TMPRSS9: variants seen among roughly 807,000 people sequenced by gnomAD.
The protein encoded by TMPRSS9 is transmembrane serine protease 9.
In TMPRSS9, 113 loss-of-function variants were observed where a neutral mutation model predicts 111.4. That is an observed-to-expected ratio of 1.01 (90% CI 0.87 to 1.19). The LOEUF is 1.19. TMPRSS9 is among the 50% of genes most tolerant of loss of function. The pLI, the probability that TMPRSS9 is intolerant of heterozygous loss-of-function variation, is 0.00. For missense variants in TMPRSS9, 1,803 were observed against 1,513.1 expected (o/e 1.19, Z -3.18); for synonymous variants, 805 against 659.1 (o/e 1.22, Z -3.39).
intron 15 of TMPRSS9, 37 bp downstream of exon 16, chr19:2,424,294 C>G (rs995848199): frequency 2.3e-6 from 3 of 1,319,142 alleles, no homozygotes; most frequent in Non-Finnish European, 1.9e-6. Flanking sequence ...CTACATGTCT[C>G]TGTAGCTCAC....
At chr19:2,393,230 C>T (rs544518765) in intron 1 of TMPRSS9, among the ~76,000 whole-genome samples, 11 of 152,200 alleles carry the variant, frequency 7.2e-5, no homozygotes, top group South Asian at 4.1e-4. Context: ...GCTGCTCACT[C>T]GTTGGGTGTG....
intron 1 of TMPRSS9, among the ~76,000 whole-genome samples, chr19:2,375,943 A>T (rs1302475790): frequency 6.6e-6 from 1 of 152,110 alleles, no homozygotes; most frequent in Non-Finnish European, 1.5e-5. Flanking sequence ...GGCAGCTCCC[A>T]TTTGCAGGGT....
intron 1 of TMPRSS9, among the ~76,000 whole-genome samples, chr19:2,367,550 A>C (rs1303801374): frequency 6.9e-6 from 1 of 144,724 alleles, no homozygotes; most frequent in Non-Finnish European, 1.5e-5. Flanking sequence ...GTGCACCACC[A>C]TGACTGGCTA....
intron 1 of TMPRSS9, among the ~76,000 whole-genome samples, chr19:2,372,105 C>T (rs1472986642): frequency 1.3e-5 from 2 of 152,090 alleles, no homozygotes; most frequent in Non-Finnish European, 2.9e-5. Flanking sequence ...GATCCGCCTG[C>T]CTTGACCTCC....
At chr19:2,395,191 G>A (rs749588124) in intron 1 of TMPRSS9, among the ~76,000 whole-genome samples, 8 of 152,214 alleles carry the variant, frequency 5.3e-5, no homozygotes, top group Non-Finnish European at 1.0e-4. Flanking sequence ...GCCAAGGCGG[G>A]TGGATCACCT....
chr19:2,372,342 C>T (rs148630634), intron 1 of TMPRSS9, among the ~76,000 whole-genome samples: 26 of 139,256 alleles, frequency 1.9e-4, no homozygotes, highest in Non-Finnish European at 3.1e-4. Flanking sequence ...TCAAACCCGG[C>T]CAGTAACACC....
chr19:2,425,193 T>G (rs746456640), exon 16 of TMPRSS9: 1 of 1,531,884 alleles, frequency 6.5e-7, no homozygotes, highest in Non-Finnish European at 8.7e-7. Context: ...CCCATCTGCC[T>G]GCCCGAGCCC....
upstream of TMPRSS9, among the ~76,000 whole-genome samples, chr19:2,389,560 G>T (rs1970542481): frequency 6.6e-6 from 1 of 151,744 alleles, no homozygotes; most frequent in Non-Finnish European, 1.5e-5. Context: ...TAGAGATGGG[G>T]TTTCTCCATG....
At chr19:2,415,550 C>T (rs893661451) in intron 10 of TMPRSS9, 120 bp from the exon 12 acceptor site, 18 of 954,692 alleles carry the variant, frequency 1.9e-5, no homozygotes, top group African/African-American at 6.8e-5. Flanking sequence ...TTGTGTGGAA[C>T]GGGAGGGATT....
chr19:2,394,482 G>A (rs1236334604), intron 1 of TMPRSS9, among the ~76,000 whole-genome samples: 3 of 152,166 alleles, frequency 2.0e-5, no homozygotes, highest in Admixed American at 1.3e-4. Context: ...GAGAGCGGGA[G>A]GCGTTCTGAA....
At chr19:2,395,930 C>T (rs921977039) in intron 1 of TMPRSS9, among the ~76,000 whole-genome samples, 1 of 152,174 alleles carries the variant, frequency 6.6e-6, no homozygotes, top group South Asian at 2.1e-4. Flanking sequence ...ATGGCATGAA[C>T]CCGGGAGGCG....
At chr19:2,377,467 CT>C (rs1970346367) in intron 1 of TMPRSS9, among the ~76,000 whole-genome samples, 1 of 78,484 alleles carries the variant, frequency 1.3e-5, no homozygotes, top group South Asian at 4.8e-4. Context: ...CCCCTCTCCC[CT>C]CTCCCCTCTC....
chr19:2,413,959 A>G, exon 10 of TMPRSS9: 2 of 1,611,758 alleles, frequency 1.2e-6, no homozygotes, highest in South Asian at 1.1e-5. Context: ...ACCCCCACCA[A>G]ATCGATGCAG....
At position 2,411,299 on chromosome 19, in the gene TMPRSS9, C is replaced by CAAAAAAAAAAAA. The variant is rs771305642; in HGVS notation, c.1254+928_1254+939dup. 1.2e-4 allele frequency among the ~76,000 whole-genome samples: 4 copies of CAAAAAAAAAAAA among 32,304 alleles called. 1 individual carries two copies. The highest frequency in any genetic ancestry group is 5.6e-4 in the Admixed American group (1 of 1,790). 21.2% of individuals were successfully genotyped at this position (32,304 alleles called of 152,430 possible). On this transcript the variant is annotated intron_variant, in intron 9 of 17. Coordinates refer to ENST00000648592, the Ensembl canonical transcript of TMPRSS9. The stretch of plus-strand genomic sequence containing the variant: ...TGGGCGACAAAGCAAGACTCTGTCT[C>CAAAAAAAAAAAA]AAAAAAAAAAAAAAAAAAAAAAAAA...
chr19:2,368,801 T>TTTTTA (rs1568465435), intron 1 of TMPRSS9, among the ~76,000 whole-genome samples: 1 of 127,266 alleles, frequency 7.9e-6, no homozygotes, highest in Non-Finnish European at 1.6e-5. Context: ...TTTTTTTTTT[T>TTTTTA]AAAGACAGAG....
chr19:2,377,893 T>C (rs1970352772), intron 1 of TMPRSS9, among the ~76,000 whole-genome samples: 1 of 149,828 alleles, frequency 6.7e-6, no homozygotes, highest in Non-Finnish European at 1.5e-5. Context: ...TTACAATTTT[T>C]TTGCAGAGAC....
At chr19:2,390,065 G>C (rs1970552423) in intron 1 of TMPRSS9, 138 bp downstream of exon 2, 2 of 1,138,576 alleles carry the variant, frequency 1.8e-6, no homozygotes, top group African/African-American at 1.6e-5. Context: ...GCTGCCCTAG[G>C]CCAGGCGGGT....
At chr19:2,364,192 G>GTGAATGAATGAA (rs146229451) in intron 1 of TMPRSS9, among the ~76,000 whole-genome samples, 2 of 151,284 alleles carry the variant, frequency 1.3e-5, no homozygotes, top group African/African-American at 2.4e-5. Context: ...AAATAAATAA[G>GTGAATGAATGAA]TGAATGAATG....
intron 9 of TMPRSS9, 103 bp downstream of exon 10, chr19:2,410,497 C>G: frequency 2.1e-6 from 3 of 1,462,826 alleles, no homozygotes; most frequent in Non-Finnish European, 2.8e-6. Context: ...CTGTGAGCCC[C>G]CAACGCCCCA....
Sources: allele counts gnomAD v4.1 joint callset (sites outside exome capture counted in the v4.1 genomes callset), GRCh38; gene constraint gnomAD v4.1.1; transcripts MANE v1.5; gene names NCBI Gene and HGNC (gene_info 2026-07-23, HGNC 2026-07-21).